The following P2RY14 variants were observed in gnomAD, a reference collection of about 807,000 sequenced individuals.
P2RY14 encodes purinergic receptor P2Y14, also known as P2Y purinoceptor 14.
P2RY14 carries 2 observed loss-of-function variants against 0.9 expected under a neutral mutation model. That is an observed-to-expected ratio of 2.16 (90% CI 0.88 to 6.79). The LOEUF (loss-of-function observed/expected upper bound fraction) is 6.79, where lower values mean the gene tolerates loss of function less well. Among genes scored for constraint, P2RY14 ranks in the 30% most tolerant of loss-of-function variants. P2RY14 has a pLI of 0.05. For missense variants in P2RY14, 378 were observed against 400.1 expected (o/e 0.94, Z 0.47); for synonymous variants, 158 against 147.2 (o/e 1.07, Z -0.53).
chr3:151,221,124 T>C (rs1381667220), intron 1 of P2RY14, among the ~76,000 whole-genome samples: 1 of 152,198 alleles, frequency 6.6e-6, no homozygotes, highest in Non-Finnish European at 1.5e-5. Flanking sequence ...ATTTTGCCCC[T>C]ACCCTAGAGA....
intron 1 of P2RY14, among the ~76,000 whole-genome samples, chr3:151,260,590 A>G (rs1577157521): frequency 6.6e-6 from 1 of 152,170 alleles, no homozygotes; most frequent in East Asian, 1.9e-4. Flanking sequence ...AACTCAAGTG[A>G]TCCTCCTGCC....
intron 1 of P2RY14, among the ~76,000 whole-genome samples, chr3:151,267,876 T>C (rs1740139676): frequency 6.6e-6 from 1 of 152,206 alleles, no homozygotes; most frequent in African/African-American, 2.4e-5. Flanking sequence ...ATACAGTGTT[T>C]GAGAATAGCT....
rs1275577729 is a variant in P2RY14, at chr3:151,256,863, G to GT, written c.-133+21423dup. ...AAATGACAGAGGTTTTTTTTTTGTT[G>GT]TTTTTTTTTTTAAATGGGTCATGGG... On this transcript the variant is annotated intron_variant, in intron 1 of 2. Coordinates refer to ENST00000309170, the MANE Select transcript of P2RY14 (RefSeq NM_014879.4). Among the ~76,000 whole-genome samples, 281 of 98,230 alleles carry GT rather than the reference G, an allele frequency of 2.9e-3. 1 individual carries two copies. The highest frequency in any genetic ancestry group is 9.5e-3 in the East Asian group (34 of 3,590). 64.4% of individuals were successfully genotyped at this position (98,230 alleles called of 152,430 possible).
chr3:151,228,647 C>T (rs553802643), intron 1 of P2RY14, among the ~76,000 whole-genome samples: 1 of 152,250 alleles, frequency 6.6e-6, no homozygotes, highest in East Asian at 1.9e-4. Flanking sequence ...CAGGAAGTGG[C>T]ACTCAACAAC....
At chr3:151,277,495 T>C (rs1742090163) in intron 1 of P2RY14, among the ~76,000 whole-genome samples, 1 of 152,206 alleles carries the variant, frequency 6.6e-6, no homozygotes, top group Non-Finnish European at 1.5e-5. Flanking sequence ...ATTTTTTTAC[T>C]AGTGTGATCT....
chr3:151,251,799 C>T (rs1295501431), intron 1 of P2RY14, among the ~76,000 whole-genome samples: 1 of 152,156 alleles, frequency 6.6e-6, no homozygotes. Context: ...ATTTGAATTG[C>T]ATTTTAAAAA....
At chr3:151,247,873 C>CT (rs1735983208) in intron 1 of P2RY14, among the ~76,000 whole-genome samples, 1 of 151,124 alleles carries the variant, frequency 6.6e-6, no homozygotes, top group Non-Finnish European at 1.5e-5. Context: ...TCTGCCTTCC[C>CT]TTAGTTGCAG....
At chr3:151,257,281 T>G (rs1161287529) in intron 1 of P2RY14, among the ~76,000 whole-genome samples, 1 of 152,238 alleles carries the variant, frequency 6.6e-6, no homozygotes, top group East Asian at 1.9e-4. Context: ...GTTTAAATAT[T>G]TTCAGAACCT....
intron 1 of P2RY14, among the ~76,000 whole-genome samples, chr3:151,226,747 G>A (rs1211664599): frequency 1.3e-5 from 2 of 152,064 alleles, no homozygotes; most frequent in Non-Finnish European, 2.9e-5. Context: ...CAGATACTGC[G>A]GCATAGAGAA....
At chr3:151,217,278 T>C (rs1728419264) in intron 2 of P2RY14, among the ~76,000 whole-genome samples, 1 of 152,202 alleles carries the variant, frequency 6.6e-6, no homozygotes, top group African/African-American at 2.4e-5. Context: ...CCTTATAAAA[T>C]TATTTTCTCA....
At chr3:151,242,729 G>T (rs148394927) in intron 1 of P2RY14, among the ~76,000 whole-genome samples, 2 of 152,192 alleles carry the variant, frequency 1.3e-5, no homozygotes, top group South Asian at 2.1e-4. Context: ...CCAAAGGAAC[G>T]CAGTTCCTCA....
In P2RY14 at chr3:151,245,848, C is replaced by T. The variant is rs1195283799; in HGVS notation, c.-132-26206G>A. Among the ~76,000 whole-genome samples the T allele has an allele frequency of 4.6e-5, 7 of 151,480 alleles. No homozygotes were observed. The East Asian group carries it at 9.7e-4, about 21-fold the overall frequency. ...TCAAATTGTCCCTGTTTGCAGACGA[C>T]ATGATTGTATATCTAGAAAACCCCA... On this transcript the variant is annotated intron_variant, in intron 1 of 2. Transcript: ENST00000309170.
intron 1 of P2RY14, among the ~76,000 whole-genome samples, chr3:151,229,612 G>A (rs1731233451): frequency 6.6e-6 from 1 of 151,428 alleles, no homozygotes; most frequent in Non-Finnish European, 1.5e-5. Flanking sequence ...CCTAGTAGCT[G>A]GGACTACAGG....
At chr3:151,248,873 C>G (rs527248845) in intron 1 of P2RY14, 1 of 152,226 alleles carries the variant, frequency 6.6e-6, no homozygotes, top group South Asian at 2.1e-4. Context: ...ACCAATTTTT[C>G]CAGTCTTTTA....
chr3:151,242,824 C>T (rs1158140128), intron 1 of P2RY14, among the ~76,000 whole-genome samples: 3 of 150,348 alleles, frequency 2.0e-5, no homozygotes, highest in Non-Finnish European at 3.0e-5. Context: ...CTCTGAGCTA[C>T]GGGAGGACAT....
At chr3:151,230,516 A>G (rs1731446479) in intron 1 of P2RY14, among the ~76,000 whole-genome samples, 3 of 151,040 alleles carry the variant, frequency 2.0e-5, no homozygotes, top group Admixed American at 1.3e-4. Context: ...TTTGATGCTC[A>G]TTGACATCCT....
chr3:151,241,873 C>T (rs570779591), intron 1 of P2RY14: 273 of 153,102 alleles, frequency 1.8e-3, no homozygotes, highest in Admixed American at 4.4e-3. Context: ...TCTGAGGTAC[C>T]GGGTTCATCT....
At chr3:151,214,704 GTC>G (rs1341127508) in intron 2 of P2RY14, among the ~76,000 whole-genome samples, 1 of 152,082 alleles carries the variant, frequency 6.6e-6, no homozygotes, top group African/African-American at 2.4e-5. Flanking sequence ...CAGCAGGGCA[GTC>G]TCTGAGAACT....
Position 151,219,654 on chromosome 3 carries a change from A to G in P2RY14, c.-132-12T>C, listed in dbSNP as rs1386033674. 6.6e-6 allele frequency: 1 copy of G among 152,218 alleles called. No individual in the cohort carries two copies. The highest frequency in any genetic ancestry group is 2.4e-5 in the African/African-American group (1 of 41,452). 9.4% of individuals were successfully genotyped at this position (152,218 alleles called of 1,614,324 possible). A position where few individuals can be genotyped will look rare whatever the true frequency, so the allele number is the denominator to read the frequency against. On this transcript the variant is annotated splice_polypyrimidine_tract_variant and intron_variant, in intron 1 of 2. Transcript: ENST00000309170. ...TTTCATTAAAGATCCTGCATTACAC[A>G]AAACAAAAAACCAAAGATTTAAGTG...
Sources: allele counts gnomAD v4.1 joint callset (sites outside exome capture counted in the v4.1 genomes callset), GRCh38; gene constraint gnomAD v4.1.1; transcripts MANE v1.5; gene names NCBI Gene and HGNC (gene_info 2026-07-23, HGNC 2026-07-21).